The following LRMDA variants were observed in gnomAD, a reference collection of about 807,000 sequenced individuals.
The protein encoded by LRMDA is leucine-rich melanocyte differentiation-associated protein.
A neutral mutation model predicts 29.8 loss-of-function variants in LRMDA; 18 were observed. That is an observed-to-expected ratio of 0.60 (90% CI 0.42 to 0.90). LRMDA has a LOEUF of 0.90. LRMDA is among the 40% of genes least tolerant of loss of function. LRMDA has a pLI of 0.00. For missense variants in LRMDA, 273 were observed against 273.9 expected (o/e 1.00, Z 0.02); for synonymous variants, 125 against 109.4 (o/e 1.14, Z -0.89).
intron 5 of LRMDA, among the ~76,000 whole-genome samples, chr10:76,282,431 G>A (rs1163844917): frequency 6.6e-6 from 1 of 152,128 alleles, no homozygotes; most frequent in Non-Finnish European, 1.5e-5. Flanking sequence ...AGCCTGCGTC[G>A]ACCCCAGTGT....
At chr10:76,233,893 C>A (rs1353908112) in intron 5 of LRMDA, among the ~76,000 whole-genome samples, 1 of 152,152 alleles carries the variant, frequency 6.6e-6, no homozygotes, top group Non-Finnish European at 1.5e-5. Flanking sequence ...TCTTGAGCCC[C>A]TCAAAATCAT....
intron 6 of LRMDA, among the ~76,000 whole-genome samples, chr10:76,533,230 T>G (rs1319842008): frequency 6.6e-6 from 1 of 152,180 alleles, no homozygotes; most frequent in East Asian, 1.9e-4. Flanking sequence ...TATTATTGAA[T>G]CTGTCCTAAA....
chr10:75,503,019 C>T (rs1209520018), intron 2 of LRMDA, among the ~76,000 whole-genome samples: 1 of 152,148 alleles, frequency 6.6e-6, no homozygotes, highest in Admixed American at 6.5e-5. Context: ...CACACTGAAC[C>T]TGAGACTCAA....
At chr10:76,466,325 T>G (rs1429379000) in intron 6 of LRMDA, among the ~76,000 whole-genome samples, 1 of 152,094 alleles carries the variant, frequency 6.6e-6, no homozygotes, top group Non-Finnish European at 1.5e-5. Context: ...GAGCATGGGA[T>G]AAATGGAGAG....
At chr10:76,429,318 T>C (rs1281549325) in intron 6 of LRMDA, among the ~76,000 whole-genome samples, 1 of 152,220 alleles carries the variant, frequency 6.6e-6, no homozygotes, top group Non-Finnish European at 1.5e-5. Flanking sequence ...CTGTCAGGTC[T>C]TAGCCCTGCA....
intron 2 of LRMDA, among the ~76,000 whole-genome samples, chr10:75,920,148 G>A (rs1002188374): frequency 2.0e-5 from 3 of 151,978 alleles, no homozygotes; most frequent in Non-Finnish European, 4.4e-5. Flanking sequence ...ACATTGTTTT[G>A]GAAAGCCTCT....
chr10:76,070,242 G>A (rs1429058316), intron 5 of LRMDA, among the ~76,000 whole-genome samples: 1 of 152,218 alleles, frequency 6.6e-6, no homozygotes. Context: ...TGTGAGGAAG[G>A]TAATTTTGGC....
chr10:76,335,420 G>A (rs553449263), intron 6 of LRMDA, among the ~76,000 whole-genome samples: 1 of 152,130 alleles, frequency 6.6e-6, no homozygotes, highest in Non-Finnish European at 1.5e-5. Context: ...GCACTGTTTA[G>A]GTTAGATCCA....
intron 2 of LRMDA, among the ~76,000 whole-genome samples, chr10:75,542,204 G>T (rs1840027142): frequency 6.6e-6 from 1 of 152,060 alleles, no homozygotes; most frequent in Non-Finnish European, 1.5e-5. Flanking sequence ...TAACTTTAAA[G>T]AATCTTTCCT....
intron 6 of LRMDA, among the ~76,000 whole-genome samples, chr10:76,394,618 T>G (rs1266180271): frequency 6.6e-6 from 1 of 152,124 alleles, no homozygotes; most frequent in African/African-American, 2.4e-5. Flanking sequence ...TGGAGGGCAG[T>G]TGATTCCATG....
chr10:76,359,495 A>G (rs894553846), intron 6 of LRMDA, among the ~76,000 whole-genome samples: 10 of 152,180 alleles, frequency 6.6e-5, no homozygotes, highest in Non-Finnish European at 1.3e-4. Context: ...CCAAGTCTGT[A>G]TCTTGAATCT....
At chr10:75,814,840 G>A (rs2132274964) in intron 2 of LRMDA, among the ~76,000 whole-genome samples, 1 of 152,272 alleles carries the variant, frequency 6.6e-6, no homozygotes, top group Non-Finnish European at 1.5e-5. Flanking sequence ...AGGTAATAGG[G>A]CTTTAAATTT....
At chr10:75,475,184 T>A (rs971251094) in intron 2 of LRMDA, among the ~76,000 whole-genome samples, 3 of 152,172 alleles carry the variant, frequency 2.0e-5, no homozygotes, top group African/African-American at 7.2e-5. Flanking sequence ...TGTGGAATTC[T>A]GAAGACCCAG....
chr10:76,140,691 ACT>A (rs150544970), intron 5 of LRMDA, among the ~76,000 whole-genome samples: 3 of 150,500 alleles, frequency 2.0e-5, no homozygotes, highest in African/African-American at 2.4e-5. Context: ...ACAGGGTGGA[ACT>A]CTCTCTCTCT....
At chr10:76,462,485 T>G (rs193210548) in intron 6 of LRMDA, among the ~76,000 whole-genome samples, 3 of 152,332 alleles carry the variant, frequency 2.0e-5, no homozygotes, top group African/African-American at 4.8e-5. Flanking sequence ...AGCTCCTTTT[T>G]GTTAACATTC....
chr10:76,129,607 T>G (rs1021970686), intron 5 of LRMDA, among the ~76,000 whole-genome samples: 1 of 152,168 alleles, frequency 6.6e-6, no homozygotes, highest in African/African-American at 2.4e-5. Flanking sequence ...CACTGTTCAC[T>G]CCTACCCTCA....
chr10:76,277,564 C>T (rs16933154), intron 5 of LRMDA, among the ~76,000 whole-genome samples: 7,563 of 151,884 alleles, frequency 0.05, 492 homozygotes, highest in African/African-American at 0.15. Context: ...CTTTTTGTGT[C>T]TTTTGCATGA....
chr10:75,909,268 A>C (rs546099289), intron 2 of LRMDA, among the ~76,000 whole-genome samples: 1 of 152,328 alleles, frequency 6.6e-6, no homozygotes, highest in Non-Finnish European at 1.5e-5. Flanking sequence ...TAGCAGATTT[A>C]AACTTTTATA....
intron 6 of LRMDA, among the ~76,000 whole-genome samples, chr10:76,493,062 C>T (rs551149788): frequency 2.1e-4 from 32 of 152,160 alleles, no homozygotes; most frequent in Admixed American, 6.6e-5. Context: ...CAGGGCTCTA[C>T]AATCAGCAGG....
Sources: gnomAD v4.1 joint callset for allele counts (sites outside exome capture counted in the v4.1 genomes callset) on GRCh38, gnomAD v4.1.1 for gene constraint, MANE v1.5 for transcripts, NCBI Gene and HGNC (gene_info 2026-07-23, HGNC 2026-07-21) for gene names.